LIPA: variants seen among roughly 807,000 people sequenced by gnomAD.
LIPA encodes the protein lysosomal acid lipase/cholesteryl ester hydrolase.
In LIPA, 26 loss-of-function variants were observed where a neutral mutation model predicts 40.6. That is an observed-to-expected ratio of 0.64 (90% CI 0.47 to 0.89). The LOEUF (loss-of-function observed/expected upper bound fraction) is 0.89, where lower values mean the gene tolerates loss of function less well. Among genes scored for constraint, LIPA ranks in the 40% least tolerant of loss-of-function variants. The pLI is 0.00. For synonymous variants in LIPA, 188 were observed against 168.4 expected, an observed-to-expected ratio of 1.12 and a Z score of -0.90; for missense variants, 455 against 479.6, an observed-to-expected ratio of 0.95 and a Z score of 0.48.
intron 1 of LIPA, chr10:89,332,649 G>A (rs778647935): frequency 1.9e-6 from 3 of 1,612,504 alleles, no homozygotes; most frequent in East Asian, 4.5e-5. Context: ...CTGCTTCTCT[G>A]ATAGGAAACA....
intron 3 of LIPA, among the ~76,000 whole-genome samples, chr10:89,238,010 G>T (rs989574885): frequency 1.3e-5 from 2 of 152,238 alleles, no homozygotes; most frequent in Non-Finnish European, 2.9e-5. Context: ...CACTGAAGAT[G>T]CCATTGTTGT....
chr10:89,252,495 AAACAAAC>A (rs1843141262), upstream of LIPA, among the ~76,000 whole-genome samples: 1 of 151,990 alleles, frequency 6.6e-6, no homozygotes, highest in South Asian at 2.1e-4. Flanking sequence ...CAACAAAAAC[AAACAAAC>A]AACAACAACA....
chr10:89,328,393 C>T (rs779891087), intron 1 of LIPA, among the ~76,000 whole-genome samples: 17 of 152,140 alleles, frequency 1.1e-4, no homozygotes, highest in Non-Finnish European at 2.1e-4. Flanking sequence ...TTGGCAGGAG[C>T]GGTGTATTTC....
chr10:89,327,262 A>G (rs1843608193), intron 1 of LIPA, among the ~76,000 whole-genome samples: 1 of 152,172 alleles, frequency 6.6e-6, no homozygotes, highest in Non-Finnish European at 1.5e-5. Flanking sequence ...TAAAAAGAGC[A>G]TGTTCTGGCT....
At chr10:89,319,269 AG>A (rs1185610921) in intron 1 of LIPA, among the ~76,000 whole-genome samples, 2 of 152,242 alleles carry the variant, frequency 1.3e-5, no homozygotes, top group Non-Finnish European at 2.9e-5. Flanking sequence ...CAATGAATCC[AG>A]GAACTGATTT....
intron 1 of LIPA, among the ~76,000 whole-genome samples, chr10:89,317,039 A>C (rs1843545107): frequency 6.6e-6 from 1 of 152,242 alleles, no homozygotes; most frequent in African/African-American, 2.4e-5. Context: ...AAGGACATCC[A>C]CACCAAAACC....
At chr10:89,401,510 C>G (rs1428992000) in intron 2 of LIPA, among the ~76,000 whole-genome samples, 1 of 152,018 alleles carries the variant, frequency 6.6e-6, no homozygotes, top group Non-Finnish European at 1.5e-5. Context: ...GAGGAGGTGA[C>G]AGATGTGACC....
At chr10:89,287,007 C>T (rs2133502668) in intron 1 of LIPA, among the ~76,000 whole-genome samples, 1 of 152,338 alleles carries the variant, frequency 6.6e-6, no homozygotes, top group East Asian at 1.9e-4. Context: ...AAGGAATGCC[C>T]ACAGCCCGGG....
chr10:89,406,528 C>A (rs993165998), intron 2 of LIPA: 1 of 152,416 alleles, frequency 6.6e-6, no homozygotes, highest in Non-Finnish European at 1.5e-5. Context: ...GTAACACTCA[C>A]CACGAAGGTC....
chr10:89,353,475 A>T (rs1271646673), intron 2 of LIPA, among the ~76,000 whole-genome samples: 1 of 152,214 alleles, frequency 6.6e-6, no homozygotes, highest in Non-Finnish European at 1.5e-5. Context: ...GGGAGAAATA[A>T]CGAAAGACCC....
intron 2 of LIPA, among the ~76,000 whole-genome samples, chr10:89,401,982 A>T (rs1357705352): frequency 6.6e-6 from 1 of 152,216 alleles, no homozygotes; most frequent in Admixed American, 6.5e-5. Flanking sequence ...TGCTTGACAC[A>T]TATAAGTTTA....
At chr10:89,264,800 G>A (rs1402432206) in intron 1 of LIPA, among the ~76,000 whole-genome samples, 1 of 152,222 alleles carries the variant, frequency 6.6e-6, no homozygotes, top group Non-Finnish European at 1.5e-5. Context: ...GAACTGATAG[G>A]TTGGCCCCCA....
intron 3 of LIPA, among the ~76,000 whole-genome samples, chr10:89,242,949 G>A (rs774413526): frequency 3.9e-5 from 6 of 152,184 alleles, no homozygotes; most frequent in Non-Finnish European, 7.3e-5. Flanking sequence ...GGAAACAGAA[G>A]AAAAAGATGA....
At chr10:89,408,976 A>G (rs1841447410) in intron 2 of LIPA, among the ~76,000 whole-genome samples, 1 of 152,196 alleles carries the variant, frequency 6.6e-6, no homozygotes, top group Admixed American at 6.5e-5. Flanking sequence ...TAGAAGGACT[A>G]AGGAGAATTA....
In LIPA at chr10:89,338,956, G is replaced by T; in HGVS notation, c.-2+3655C>A. The stretch of plus-strand genomic sequence containing the variant: ...AAGTCTAGTCACTTGGGGAAACTAC[G>T]CCTGGGTCTACTATCACTTGGGCAG... On this transcript the variant is annotated intron_variant, in intron 1 of 5. Transcript: ENST00000282673. The T allele has an allele frequency of 6.2e-7, 1 of 1,614,144 alleles. No individual in the cohort carries two copies. The highest frequency in any genetic ancestry group is 1.3e-5 in the African/African-American group (1 of 75,042).
chr10:89,383,682 C>T, intron 2 of LIPA: 2 of 1,614,230 alleles, frequency 1.2e-6, no homozygotes, highest in Non-Finnish European at 1.7e-6. Context: ...AGGTGGAGAA[C>T]ACTTGCAAGA....
At chr10:89,304,018 G>A (rs1381258216) in intron 1 of LIPA, among the ~76,000 whole-genome samples, 1 of 152,046 alleles carries the variant, frequency 6.6e-6, no homozygotes, top group Admixed American at 6.5e-5. Flanking sequence ...ATCCTCCTGG[G>A]GTCACTACAG....
At chr10:89,287,075 GC>G (rs1208358104) in intron 1 of LIPA, among the ~76,000 whole-genome samples, 1 of 152,198 alleles carries the variant, frequency 6.6e-6, no homozygotes, top group Non-Finnish European at 1.5e-5. Context: ...AGACTGTCCA[GC>G]TCACCTGGCA....
At chr10:89,402,542 A>AG in intron 2 of LIPA, 1 of 1,614,098 alleles carries the variant, frequency 6.2e-7, no homozygotes, top group Non-Finnish European at 8.5e-7. Flanking sequence ...ATGACAACCA[A>AG]GCAAATGTGA....
Sources: gnomAD v4.1 joint callset for allele counts (sites outside exome capture counted in the v4.1 genomes callset) on GRCh38, gnomAD v4.1.1 for gene constraint, MANE v1.5 for transcripts, NCBI Gene and HGNC (gene_info 2026-07-23, HGNC 2026-07-21) for gene names.